The following LIN7A variants were observed in gnomAD, a reference collection of about 807,000 sequenced individuals.
The protein encoded by LIN7A is protein lin-7 homolog A.
Under a neutral mutation model 29.8 loss-of-function variants are expected in LIN7A, and 25 were observed. That is an observed-to-expected ratio of 0.84 (90% CI 0.61 to 1.17). The LOEUF (loss-of-function observed/expected upper bound fraction) is 1.17, where lower values mean the gene tolerates loss of function less well. Ranked by LOEUF, LIN7A falls within the 50% of genes most tolerant of loss-of-function variation. The pLI, the probability that LIN7A is intolerant of heterozygous loss-of-function variation, is 0.00. For synonymous variants in LIN7A, 118 were observed against 107.5 expected (o/e 1.10, Z -0.60); for missense variants, 239 against 287.0 (o/e 0.83, Z 1.21).
intron 4 of LIN7A, among the ~76,000 whole-genome samples, chr12:80,840,724 T>C (rs1469810715): frequency 2.0e-5 from 3 of 152,102 alleles, no homozygotes; most frequent in African/African-American, 7.2e-5. Context: ...GCAGCATGTG[T>C]GTGTTGGTCA....
intron 1 of LIN7A, among the ~76,000 whole-genome samples, chr12:80,890,504 A>C (rs1477845373): frequency 1.3e-5 from 2 of 152,184 alleles, no homozygotes; most frequent in African/African-American, 4.8e-5. Context: ...TGAGAAAGAA[A>C]TATAATAGCA....
intron 1 of LIN7A, among the ~76,000 whole-genome samples, chr12:80,935,339 A>G (rs1463495733): frequency 6.6e-6 from 1 of 152,164 alleles, no homozygotes; most frequent in Non-Finnish European, 1.5e-5. Flanking sequence ...TGATCTGGAA[A>G]ATCTCCCAGT....
intron 2 of LIN7A, among the ~76,000 whole-genome samples, chr12:80,888,894 G>A (rs1196018057): frequency 6.6e-6 from 1 of 152,046 alleles, no homozygotes; most frequent in Non-Finnish European, 1.5e-5. Flanking sequence ...GAGAGAATTA[G>A]TTAGATGTTC....
chr12:80,831,053 T>C (rs1247132058), intron 4 of LIN7A, among the ~76,000 whole-genome samples: 1 of 152,242 alleles, frequency 6.6e-6, no homozygotes, highest in African/African-American at 2.4e-5. Flanking sequence ...CATACTAGAA[T>C]GTGAACTCCA....
chr12:80,854,062 G>A (rs185526096), intron 2 of LIN7A, among the ~76,000 whole-genome samples: 128 of 152,172 alleles, frequency 8.4e-4, no homozygotes, highest in Non-Finnish European at 1.4e-3. Flanking sequence ...AGAAAACAGA[G>A]TAACAGTTTC....
At position 80,889,352 on chromosome 12, in the gene LIN7A, C is replaced by A. The variant is rs1380973836; in HGVS notation, c.100G>T (p.Glu34Ter). 6.2e-7 allele frequency: 1 copy of A among 1,604,496 alleles called. No individual in the cohort carries two copies. Residue 34 changes from glutamate (E) to a stop codon, truncating the protein, a stop_gained, in exon 2 of 6, where the codon GAA becomes TAA. Coordinates refer to ENST00000552864, the MANE Select transcript of LIN7A (RefSeq NM_004664.4). LOFTEE classifies it high-confidence loss of function. ...TLDRDVARAI[E>*]LLEKLQESGE... ...GATTCCTGTAGTTTTTCCAGTAATT[C>A]AATTGCTCTTGCAACATCTGAATGA... is the stretch of plus-strand genomic sequence containing the variant.
chr12:80,800,681 T>C (rs931446003), intron 5 of LIN7A, among the ~76,000 whole-genome samples: 2 of 152,068 alleles, frequency 1.3e-5, no homozygotes, highest in African/African-American at 4.8e-5. Context: ...AAATAAGTTA[T>C]ACCAATTGTC....
chr12:80,795,428 T>C lies in LIN7A; in HGVS notation c.*2299A>G, dbSNP rs1870401586. The stretch of plus-strand genomic sequence containing the variant: ...CAATCTGGTATGCCTTTATCAGCAC[T>C]TAACATTAACCAAATGAAGCATAAA... On this transcript the variant is annotated 3_prime_UTR_variant, in exon 6 of 6. Transcript: ENST00000552864. The C allele has an allele frequency of 6.6e-6, 1 of 152,144 alleles. No individual in the cohort carries two copies. Among genetic ancestry groups the C allele is most frequent in the Non-Finnish European group, 1.5e-5 (1 of 68,006 alleles). The allele number at this position is 152,144 out of a possible 1,614,324, so 9.4% of individuals were successfully genotyped here.
At chr12:80,914,002 T>C (rs566438548) in intron 1 of LIN7A, among the ~76,000 whole-genome samples, 12 of 152,326 alleles carry the variant, frequency 7.9e-5, no homozygotes, top group African/African-American at 2.9e-4. Context: ...TTAAAGCTCA[T>C]TAAGTGCTGA....
intron 2 of LIN7A, among the ~76,000 whole-genome samples, chr12:80,854,992 T>C (rs906221423): frequency 2.0e-5 from 3 of 152,124 alleles, no homozygotes; most frequent in African/African-American, 7.2e-5. Flanking sequence ...ATATATTTAA[T>C]GGATAAGAAC....
At chr12:80,832,375 G>A (rs748257591) in intron 4 of LIN7A, among the ~76,000 whole-genome samples, 10 of 152,034 alleles carry the variant, frequency 6.6e-5, no homozygotes, top group Non-Finnish European at 1.3e-4. Flanking sequence ...TTACAATAAC[G>A]TTTGCCTGTA....
intron 1 of LIN7A, among the ~76,000 whole-genome samples, chr12:80,908,655 A>T (rs1592941871): frequency 6.6e-6 from 1 of 152,114 alleles, no homozygotes. Context: ...TAAAGCTCAT[A>T]CACAAAAGGT....
chr12:80,807,080 T>TTTTTG lies in LIN7A; in HGVS notation c.*4384_*4385insCAAAA, dbSNP rs1871059441. On this transcript the variant is annotated intron_variant, in intron 5 of 5. Coordinates refer to ENST00000552864, the MANE Select transcript of LIN7A (RefSeq NM_004664.4). Reference sequence around the variant, plus strand: ...AAGATGGAGTTTTTTTTTTTTTTTTTTTTTTTTTTTTGACGGAGTCTCGCT... The same window carrying TTTTTG: ...AAGATGGAGTTTTTTTTTTTTTTTTTTTTTGTTTTTTTTTTTGACGGAGTCTCGCT... Among the ~76,000 whole-genome samples, 13 of 134,732 alleles carry TTTTTG rather than the reference T, an allele frequency of 9.6e-5. 1 individual carries two copies. The highest frequency in any genetic ancestry group is 3.6e-3 in the Middle Eastern group (1 of 276). The allele number at this position is 134,732 out of a possible 152,430, so 88.4% of individuals were successfully genotyped here.
At chr12:80,931,415 C>T (rs901151982) in intron 1 of LIN7A, among the ~76,000 whole-genome samples, 44 of 152,034 alleles carry the variant, frequency 2.9e-4, no homozygotes, top group African/African-American at 9.2e-4. Flanking sequence ...CTGAGGCACG[C>T]GCATCACCTG....
At chr12:80,891,702 CA>C (rs1313413303) in intron 1 of LIN7A, among the ~76,000 whole-genome samples, 2 of 152,060 alleles carry the variant, frequency 1.3e-5, no homozygotes, top group Admixed American at 1.3e-4. Flanking sequence ...GGATGTATAA[CA>C]AAGACATTTA....
intron 2 of LIN7A, among the ~76,000 whole-genome samples, chr12:80,871,805 T>A (rs1874440516): frequency 6.6e-6 from 1 of 151,858 alleles, no homozygotes; most frequent in Non-Finnish European, 1.5e-5. Flanking sequence ...TAGACAAATG[T>A]AAACCTTTTT....
In LIN7A at chr12:80,811,499, T is replaced by C; in HGVS notation, c.668A>G (p.Gln223Arg). ...QLLIQQQQQQ[Q>R]QQQTQQNHMS is the part of the protein sequence containing the mutation. ...GTGGTTTTGTTGTGTTTGTTGCTGCTGCTGCTGTTGCTGCTGCTGAATTAG... is the reference window on the plus strand; with the variant it reads ...GTGGTTTTGTTGTGTTTGTTGCTGCCGCTGCTGTTGCTGCTGCTGAATTAG... Residue 223 changes from glutamine to arginine, a missense_variant, in exon 5 of 6, where the codon CAG becomes CGG. Coordinates refer to ENST00000552864, the MANE Select transcript of LIN7A (RefSeq NM_004664.4). 1 of 1,580,276 alleles carries C rather than the reference T, an allele frequency of 6.3e-7. No homozygotes were observed. The highest frequency in any genetic ancestry group is 8.7e-7 in the Non-Finnish European group (1 of 1,155,446).
intron 3 of LIN7A, 178 bp downstream of exon 3, chr12:80,848,073 G>T: frequency 1.5e-6 from 1 of 687,758 alleles, no homozygotes; most frequent in South Asian, 1.5e-5. Context: ...CAGCAGAAAC[G>T]TTCAATTTTC....
At chr12:80,849,930 T>G (rs1379478822) in intron 2 of LIN7A, among the ~76,000 whole-genome samples, 2 of 152,198 alleles carry the variant, frequency 1.3e-5, no homozygotes, top group Non-Finnish European at 1.5e-5. Flanking sequence ...TGTTTGAAGT[T>G]ATTTTGGTTA....
Sources: gnomAD v4.1 joint callset for allele counts (sites outside exome capture counted in the v4.1 genomes callset) on GRCh38, gnomAD v4.1.1 for gene constraint, MANE v1.5 for transcripts, NCBI Gene and HGNC (gene_info 2026-07-23, HGNC 2026-07-21) for gene names.